SLC25A26: variants seen among roughly 807,000 people sequenced by gnomAD.
SLC25A26 encodes solute carrier family 25 member 26, also known as mitochondrial S-adenosylmethionine carrier protein.
In SLC25A26, 36 loss-of-function variants were observed where a neutral mutation model predicts 37.8. The observed-to-expected ratio is 0.95, with a 90% CI of 0.73 to 1.26. The LOEUF is 1.26. Among genes scored for constraint, SLC25A26 ranks in the 50% most tolerant of loss-of-function variants. The pLI is 0.00. For synonymous variants in SLC25A26, 129 were observed against 122.5 expected, an observed-to-expected ratio of 1.05 and a Z score of -0.35; for missense variants, 390 against 331.1, an observed-to-expected ratio of 1.18 and a Z score of -1.38.
chr3:66,151,053 C>A (rs1343847575), intron 1 of SLC25A26, among the ~76,000 whole-genome samples: 1 of 152,068 alleles, frequency 6.6e-6, no homozygotes, highest in Non-Finnish European at 1.5e-5. Flanking sequence ...ATTCTACAGA[C>A]AAGGAAGCTG....
chr3:66,142,036 G>A (rs895736214), intron 1 of SLC25A26, among the ~76,000 whole-genome samples: 2 of 152,160 alleles, frequency 1.3e-5, no homozygotes, highest in African/African-American at 4.8e-5. Flanking sequence ...GAACAAGTCA[G>A]TGGCATTTGG....
chr3:66,375,629 C>G (rs1482855942), intron 9 of SLC25A26, among the ~76,000 whole-genome samples: 2 of 152,202 alleles, frequency 1.3e-5, no homozygotes, highest in African/African-American at 4.8e-5. Context: ...TGAGCGACAG[C>G]ACATCTCTTT....
At chr3:66,221,496 TACTC>T (rs537625934) in intron 1 of SLC25A26, among the ~76,000 whole-genome samples, 264 of 152,280 alleles carry the variant, frequency 1.7e-3, no homozygotes, top group African/African-American at 5.9e-3. Flanking sequence ...ACAAAAACCT[TACTC>T]ACATCGCTCC....
rs139551147 is a variant in SLC25A26 at position 66,239,790 on chromosome 3, G to A, written c.190+3090G>A. On this transcript the variant is annotated intron_variant, in intron 2 of 9. Transcript: ENST00000354883. ...TCATGCCTGCTGGCATAGCTGCAGCGATGGGTTAATGAGTTTCCTTTCTTT... is the reference window on the plus strand; with the variant it reads ...TCATGCCTGCTGGCATAGCTGCAGCAATGGGTTAATGAGTTTCCTTTCTTT... Among the ~76,000 whole-genome samples, 762 of 150,090 alleles carry A rather than the reference G, an allele frequency of 5.1e-3. 14 individuals carry two copies. The highest frequency in any genetic ancestry group is 0.014 in the African/African-American group (560 of 40,802).
At chr3:66,175,594 T>C (rs758503741) in intron 1 of SLC25A26, among the ~76,000 whole-genome samples, 5 of 152,162 alleles carry the variant, frequency 3.3e-5, no homozygotes, top group African/African-American at 4.8e-5. Flanking sequence ...CTGCAGGGTG[T>C]GTCAGCAAGC....
At chr3:66,151,546 T>G (rs1460834321) in intron 1 of SLC25A26, among the ~76,000 whole-genome samples, 1 of 152,254 alleles carries the variant, frequency 6.6e-6, no homozygotes, top group African/African-American at 2.4e-5. Flanking sequence ...GCCACCCCTT[T>G]AAGCTCATCA....
Position 66,362,968 on chromosome 3 carries a change from G to A in SLC25A26, c.568+39G>A, listed in dbSNP as rs1293781434. 3 of 1,358,484 alleles carry A rather than the reference G, an allele frequency of 2.2e-6. 1 individual carries two copies. Among genetic ancestry groups the A allele is most frequent in the East Asian group, 4.9e-5 (2 of 40,612 alleles). 84.2% of individuals were successfully genotyped at this position (1,358,484 alleles called of 1,614,324 possible). On this transcript the variant is annotated intron_variant, in intron 7 of 9. Coordinates refer to ENST00000354883, the MANE Select transcript of SLC25A26 (RefSeq NM_001379210.1). ...TATTATACTGGGAAAGACCAAAGAG[G>A]GGGAAAAATGTGAAAATATTAACTA...
intron 2 of SLC25A26, among the ~76,000 whole-genome samples, chr3:66,238,013 T>C (rs921490492): frequency 4.6e-5 from 7 of 152,202 alleles, no homozygotes; most frequent in Non-Finnish European, 7.3e-5. Flanking sequence ...AATGGCAAAC[T>C]GTTTTGGTCA....
chr3:66,284,611 C>T (rs970138466), intron 5 of SLC25A26, among the ~76,000 whole-genome samples: 12 of 152,048 alleles, frequency 7.9e-5, no homozygotes, highest in Non-Finnish European at 1.5e-4. Context: ...TATGTAAGTG[C>T]ATGGAATAAT....
intron 5 of SLC25A26, among the ~76,000 whole-genome samples, chr3:66,312,730 A>G (rs945775241): frequency 6.6e-6 from 1 of 152,036 alleles, no homozygotes; most frequent in East Asian, 1.9e-4. Flanking sequence ...ACAGTCCCTC[A>G]AGGCTTCCCT....
intron 5 of SLC25A26, among the ~76,000 whole-genome samples, chr3:66,280,056 T>G (rs769255973): frequency 2.0e-5 from 3 of 152,224 alleles, no homozygotes; most frequent in Non-Finnish European, 4.4e-5. Flanking sequence ...TCTGCTGATT[T>G]ATCTTTTTGT....
chr3:66,288,553 A>G (rs1258448789), intron 5 of SLC25A26, among the ~76,000 whole-genome samples: 1 of 151,894 alleles, frequency 6.6e-6, no homozygotes, highest in Non-Finnish European at 1.5e-5. Flanking sequence ...TTCAACTCCC[A>G]CTTATGAGTG....
At chr3:66,195,573 C>T (rs1371850704) in intron 1 of SLC25A26, among the ~76,000 whole-genome samples, 4 of 152,354 alleles carry the variant, frequency 2.6e-5, no homozygotes, top group Non-Finnish European at 5.9e-5. Flanking sequence ...TTGCGCCGGG[C>T]AGGCCCTCGG....
intron 1 of SLC25A26, among the ~76,000 whole-genome samples, chr3:66,196,569 A>C (rs2071046724): frequency 6.6e-6 from 1 of 152,180 alleles, no homozygotes; most frequent in Non-Finnish European, 1.5e-5. Context: ...ATTCTAGATT[A>C]GCTATTTTGT....
chr3:66,353,461 C>T (rs1022719668), intron 6 of SLC25A26, among the ~76,000 whole-genome samples: 2 of 152,176 alleles, frequency 1.3e-5, no homozygotes, highest in African/African-American at 4.8e-5. Context: ...GATTTGAACT[C>T]AGGTTCAGAT....
intron 3 of SLC25A26, among the ~76,000 whole-genome samples, chr3:66,255,545 A>G (rs2073266095): frequency 6.7e-6 from 1 of 150,168 alleles, no homozygotes; most frequent in Non-Finnish European, 1.5e-5. Flanking sequence ...GTTTTTAGAT[A>G]GAACTTTAAC....
chr3:66,372,589 C>T (rs370768581), intron 9 of SLC25A26, among the ~76,000 whole-genome samples: 10 of 152,206 alleles, frequency 6.6e-5, no homozygotes, highest in South Asian at 4.2e-4. Context: ...TATCTATCTT[C>T]GGAAAGTCTC....
chr3:66,166,799 G>A (rs375167489), intron 1 of SLC25A26, among the ~76,000 whole-genome samples: 26 of 152,070 alleles, frequency 1.7e-4, no homozygotes, highest in Non-Finnish European at 2.8e-4. Flanking sequence ...CATGAGCCTC[G>A]TCAATGATGA....
intron 5 of SLC25A26, among the ~76,000 whole-genome samples, chr3:66,264,165 G>A (rs775386671): frequency 1.6e-4 from 25 of 152,090 alleles, no homozygotes; most frequent in Non-Finnish European, 2.2e-4. Context: ...CCAGTTACTC[G>A]GGAGGCTGAG....
Sources: gnomAD v4.1 joint callset for allele counts (sites outside exome capture counted in the v4.1 genomes callset) on GRCh38, gnomAD v4.1.1 for gene constraint, MANE v1.5 for transcripts, NCBI Gene and HGNC (gene_info 2026-07-23, HGNC 2026-07-21) for gene names.